EPM2A: variants seen among roughly 807,000 people sequenced by gnomAD.
EPM2A encodes the protein laforin.
In EPM2A, 21 loss-of-function variants were observed where a neutral mutation model predicts 26.5. The observed-to-expected ratio is 0.79, with a 90% CI of 0.56 to 1.14. The LOEUF is 1.14. Ranked by LOEUF, EPM2A falls within the 50% of genes most tolerant of loss-of-function variation. EPM2A has a pLI of 0.00. For synonymous variants in EPM2A, 217 were observed against 177.6 expected (o/e 1.22, Z -1.76); for missense variants, 458 against 440.8 (o/e 1.04, Z -0.35).
intron 2 of EPM2A, among the ~76,000 whole-genome samples, chr6:145,612,766 T>C (rs112991327): frequency 1.5e-3 from 218 of 148,418 alleles, no homozygotes; most frequent in African/African-American, 5.1e-3. Flanking sequence ...ATTTTATATA[T>C]ATATATATAC....
chr6:145,498,505 C>T (rs1779849266), downstream of EPM2A, among the ~76,000 whole-genome samples: 1 of 152,170 alleles, frequency 6.6e-6, no homozygotes, highest in Admixed American at 6.5e-5. Flanking sequence ...ACTGAAGGCC[C>T]CAGTGGAGTG....
At position 145,567,657 on chromosome 6, in the gene EPM2A, T is replaced by G. The variant is rs190564438; in HGVS notation, c.341-65082A>C. ...ACACATGGAATTTAGTGGATGCTAATTGTATCTGTGAAACTCTTTCCCCAA... is the reference window on the plus strand; with the variant it reads ...ACACATGGAATTTAGTGGATGCTAAGTGTATCTGTGAAACTCTTTCCCCAA... On this transcript the variant is annotated intron_variant, in intron 2 of 3. Coordinates refer to the EPM2A transcript ENST00000450221. Among the ~76,000 whole-genome samples, 8 of 152,320 alleles carry G rather than the reference T, an allele frequency of 5.3e-5. No homozygotes were observed. The East Asian group carries it at 1.5e-3, about 29-fold the overall frequency.
chr6:145,661,965 C>T (rs1048200021), intron 2 of EPM2A, among the ~76,000 whole-genome samples: 1 of 152,110 alleles, frequency 6.6e-6, no homozygotes, highest in African/African-American at 2.4e-5. Flanking sequence ...CAATAAGACA[C>T]ACAAAAAGCC....
intron 2 of EPM2A, among the ~76,000 whole-genome samples, chr6:145,672,667 A>C (rs149663760): frequency 4.6e-5 from 7 of 152,350 alleles, no homozygotes; most frequent in African/African-American, 1.7e-4. Context: ...GAAAAGGTTA[A>C]AGAAGTCTCT....
chr6:145,720,454 T>A (rs756795541), intron 1 of EPM2A, among the ~76,000 whole-genome samples: 2 of 152,228 alleles, frequency 1.3e-5, no homozygotes, highest in Non-Finnish European at 2.9e-5. Context: ...TAAACTAATG[T>A]CTTTTTGTAC....
downstream of EPM2A, among the ~76,000 whole-genome samples, chr6:145,496,728 A>ATGTTTT (rs779194973): frequency 9.4e-5 from 10 of 106,904 alleles, 2 homozygotes; most frequent in East Asian, 5.0e-4. Context: ...AGTTCCTGCA[A>ATGTTTT]TTTTTTTTTT....
intron 4 of EPM2A, among the ~76,000 whole-genome samples, chr6:145,384,375 G>A (rs894435337): frequency 8.3e-6 from 1 of 120,464 alleles, no homozygotes; most frequent in Non-Finnish European, 1.8e-5. Context: ...GAGACACAGG[G>A]TTATTTTTTA....
intron 2 of EPM2A, among the ~76,000 whole-genome samples, chr6:145,549,825 A>G (rs1255846679): frequency 1.3e-5 from 2 of 152,120 alleles, no homozygotes; most frequent in African/African-American, 4.8e-5. Context: ...AAGCTTTACA[A>G]AAGCCATGTG....
intron 2 of EPM2A, among the ~76,000 whole-genome samples, chr6:145,601,415 C>G (rs1286446870): frequency 6.6e-6 from 1 of 152,060 alleles, no homozygotes; most frequent in Non-Finnish European, 1.5e-5. Flanking sequence ...GGTAGTAGTA[C>G]AGCAGGGTTT....
At chr6:145,622,423 C>A (rs1045944970), downstream of EPM2A, among the ~76,000 whole-genome samples, 4 of 152,078 alleles carry the variant, frequency 2.6e-5, no homozygotes, top group African/African-American at 2.4e-5. Flanking sequence ...TTTGTGTTTC[C>A]CTCAAATTCA....
chr6:145,496,728 ATTTT>A (rs1554244200), downstream of EPM2A, among the ~76,000 whole-genome samples: 2 of 106,906 alleles, frequency 1.9e-5, no homozygotes, highest in African/African-American at 3.4e-5. Context: ...AGTTCCTGCA[ATTTT>A]TTTTTTTTTT....
chr6:145,667,080 T>C (rs1392248564), intron 2 of EPM2A, among the ~76,000 whole-genome samples: 3 of 124,934 alleles, frequency 2.4e-5, no homozygotes. Flanking sequence ...AACCTAGGCA[T>C]TACCATTCAG....
At chr6:145,696,995 T>C (rs1251055474) in intron 1 of EPM2A, among the ~76,000 whole-genome samples, 4 of 152,186 alleles carry the variant, frequency 2.6e-5, no homozygotes. Flanking sequence ...AGACAATTAC[T>C]GCACAGAATT....
intron 1 of EPM2A, among the ~76,000 whole-genome samples, chr6:145,687,365 T>C (rs367812162): frequency 3.9e-5 from 6 of 151,900 alleles, no homozygotes; most frequent in African/African-American, 9.7e-5. Flanking sequence ...GCCTCCAGAA[T>C]TGTAAGCAAT....
chr6:145,415,338 C>A (rs1428684919), intron 4 of EPM2A, among the ~76,000 whole-genome samples: 2 of 152,170 alleles, frequency 1.3e-5, no homozygotes, highest in Non-Finnish European at 2.9e-5. Context: ...TCTGTGAAGT[C>A]GTTCCACATT....
chr6:145,498,774 C>T (rs1209941267), downstream of EPM2A, among the ~76,000 whole-genome samples: 2 of 152,196 alleles, frequency 1.3e-5, no homozygotes, highest in Non-Finnish European at 2.9e-5. Context: ...TTGTTCCTCT[C>T]CGTGAGTGCC....
At chr6:145,683,963 T>G (rs1489478068) in intron 2 of EPM2A, among the ~76,000 whole-genome samples, 1 of 151,868 alleles carries the variant, frequency 6.6e-6, no homozygotes, top group Non-Finnish European at 1.5e-5. Flanking sequence ...AAGATCAAAA[T>G]GAATGAAAAA....
chr6:145,672,822 G>A (rs1347898083), intron 2 of EPM2A, among the ~76,000 whole-genome samples: 1 of 152,174 alleles, frequency 6.6e-6, no homozygotes, highest in Non-Finnish European at 1.5e-5. Context: ...CCAGGCAGGA[G>A]TTTGGCAAAG....
At chr6:145,570,851 G>A (rs1056982180) in intron 2 of EPM2A, among the ~76,000 whole-genome samples, 7 of 152,100 alleles carry the variant, frequency 4.6e-5, no homozygotes, top group Non-Finnish European at 8.8e-5. Context: ...CCTTACCTCC[G>A]TTGTGGAGTA....
Sources: allele counts gnomAD v4.1 joint callset (sites outside exome capture counted in the v4.1 genomes callset), GRCh38; gene constraint gnomAD v4.1.1; transcripts MANE v1.5; gene names NCBI Gene and HGNC (gene_info 2026-07-23, HGNC 2026-07-21).